CREB3L2: variants seen among roughly 807,000 people sequenced by gnomAD.
CREB3L2 encodes the protein cyclic AMP-responsive element-binding protein 3-like protein 2.
Under a neutral mutation model 57.2 loss-of-function variants are expected in CREB3L2, and 23 were observed. The ratio of observed to expected loss-of-function variants is 0.40; its 90% confidence interval spans 0.29 to 0.57. The LOEUF is 0.57. Among genes scored for constraint, CREB3L2 ranks in the 20% least tolerant of loss-of-function variants. The pLI is 0.42. For synonymous variants in CREB3L2, 268 were observed against 265.1 expected (o/e 1.01, Z -0.11); for missense variants, 628 against 634.7 (o/e 0.99, Z 0.11).
At chr7:137,892,796 A>G (rs561703076) in intron 8 of CREB3L2, among the ~76,000 whole-genome samples, 5 of 151,800 alleles carry the variant, frequency 3.3e-5, no homozygotes, top group South Asian at 2.1e-4. Context: ...TTCTGAGGTG[A>G]GAAGGGGGTG....
At position 137,908,428 on chromosome 7, in the gene CREB3L2, C is replaced by T. The variant is rs2117209202; in HGVS notation, c.592G>A (p.Asp198Asn). The T allele has an allele frequency of 7.9e-7, 1 of 1,264,084 alleles. No homozygotes were observed. Among genetic ancestry groups the T allele is most frequent in the East Asian group, 3.1e-5 (1 of 31,788 alleles). 78.3% of individuals were successfully genotyped at this position (1,264,084 alleles called of 1,614,324 possible). ...GGGGTGGGCGGCAAATGCAGGTGGT[C>T]CACTGGGGCTGCAAAAAAGGAAGCA... ...LNFSPKEAPVDHLHLPPTPPS... is the reference protein window; with the variant it reads ...LNFSPKEAPVNHLHLPPTPPS... Residue 198 changes from aspartate (D) to asparagine (N), a missense_variant, in exon 5 of 12, where the codon GAC (aspartate) becomes AAC (asparagine). Coordinates refer to ENST00000330387, the MANE Select transcript of CREB3L2 (RefSeq NM_194071.4).
At chr7:137,909,492 G>A (rs1312947919) in intron 4 of CREB3L2, among the ~76,000 whole-genome samples, 1 of 152,200 alleles carries the variant, frequency 6.6e-6, no homozygotes, top group African/African-American at 2.4e-5. Context: ...CTGCTACTGA[G>A]CCAAGGGAGA....
chr7:137,882,430 A>G lies in CREB3L2; in HGVS notation c.1469T>C (p.Leu490Ser), dbSNP rs1236871447. 1 of 1,613,154 alleles carries G rather than the reference A, an allele frequency of 6.2e-7. No homozygotes were observed. Among genetic ancestry groups the G allele is most frequent in the African/African-American group, 1.3e-5 (1 of 74,916 alleles). The change falls in exon 11 of 12, where the codon TTG (leucine) becomes TCG (serine). Residue 490 changes from leucine (L) to serine (S), a missense_variant. By Grantham distance (145) the Leu-to-Ser change is moderately radical. Coordinates refer to ENST00000330387, the MANE Select transcript of CREB3L2 (RefSeq NM_194071.4). ...GACTCACAGGTGCTGCTGCAGCTCC[A>G]AAAGCACTGACTTCTCCAGGCTGGT... ...NETSLEKSVL[L>S]ELQQHLVSAK...
intron 8 of CREB3L2, among the ~76,000 whole-genome samples, chr7:137,887,571 C>T (rs989156857): frequency 6.6e-6 from 1 of 151,956 alleles, no homozygotes; most frequent in African/African-American, 2.4e-5. Flanking sequence ...TAGCTGGGCA[C>T]GGTGGCGGGC....
intron 1 of CREB3L2, among the ~76,000 whole-genome samples, chr7:137,981,477 G>C (rs1801710188): frequency 6.6e-6 from 1 of 152,162 alleles, no homozygotes; most frequent in South Asian, 2.1e-4. Context: ...TAGTCATGTG[G>C]GAGAACCAGG....
At chr7:137,943,921 C>T (rs537124324) in intron 1 of CREB3L2, among the ~76,000 whole-genome samples, 2 of 152,250 alleles carry the variant, frequency 1.3e-5, no homozygotes, top group African/African-American at 4.8e-5. Context: ...GGATCCATAA[C>T]GTTGATTTAG....
intron 1 of CREB3L2, among the ~76,000 whole-genome samples, chr7:137,990,530 A>G (rs1468425811): frequency 1.3e-5 from 2 of 152,212 alleles, no homozygotes; most frequent in Admixed American, 1.3e-4. Context: ...ACATGCTTAG[A>G]CAAGCAGCTT....
At chr7:137,890,185 T>C (rs181385225) in intron 8 of CREB3L2, among the ~76,000 whole-genome samples, 11 of 152,274 alleles carry the variant, frequency 7.2e-5, no homozygotes, top group Middle Eastern at 3.4e-3. Context: ...GGCAAGGAGA[T>C]GCATACTAAC....
intron 1 of CREB3L2, among the ~76,000 whole-genome samples, chr7:137,929,494 C>T (rs1305376697): frequency 6.6e-6 from 1 of 151,874 alleles, no homozygotes; most frequent in Non-Finnish European, 1.5e-5. Flanking sequence ...CAGACACTGC[C>T]CAAATGTCTG....
At chr7:137,897,764 G>A (rs1255579758) in intron 8 of CREB3L2, among the ~76,000 whole-genome samples, 1 of 152,120 alleles carries the variant, frequency 6.6e-6, no homozygotes, top group East Asian at 1.9e-4. Flanking sequence ...AAAGAAGTAT[G>A]TACAATATAA....
intron 1 of CREB3L2, among the ~76,000 whole-genome samples, chr7:137,960,024 G>A (rs1268597619): frequency 6.6e-6 from 1 of 152,104 alleles, no homozygotes; most frequent in Admixed American, 6.5e-5. Context: ...AAAAACAGAA[G>A]CAGCAGTAGC....
chr7:137,886,972 C>T (rs1243490201), intron 8 of CREB3L2, among the ~76,000 whole-genome samples: 2 of 152,116 alleles, frequency 1.3e-5, no homozygotes, highest in Non-Finnish European at 2.9e-5. Context: ...AGTTGAAGCT[C>T]CTCCTCATCC....
In CREB3L2 at chr7:137,881,761, A is replaced by C. The variant is rs189478007; in HGVS notation, c.1487+651T>G. On this transcript the variant is annotated intron_variant, in intron 11 of 11. Coordinates refer to ENST00000330387, the MANE Select transcript of CREB3L2 (RefSeq NM_194071.4). ...GCCCAGGGACCTCCCCTATTACAAC[A>C]ACAATACCTTGCAGTCGCATAAGCC... Among the ~76,000 whole-genome samples the C allele has an allele frequency of 1.1e-3, 174 of 152,246 alleles. 1 individual carries two copies. Among genetic ancestry groups the C allele is most frequent in the Admixed American group, 0.01 (154 of 15,298 alleles).
chr7:137,932,435 T>C (rs577421908), intron 1 of CREB3L2, among the ~76,000 whole-genome samples: 1 of 152,258 alleles, frequency 6.6e-6, no homozygotes, highest in East Asian at 1.9e-4. Flanking sequence ...GACGTCTATA[T>C]TAAAACTACC....
chr7:137,924,492 A>G (rs749294604), intron 2 of CREB3L2, among the ~76,000 whole-genome samples: 5 of 152,240 alleles, frequency 3.3e-5, no homozygotes. Context: ...AGTAACTCAT[A>G]AAGACAACCT....
At chr7:137,952,304 T>A (rs1353726891) in intron 1 of CREB3L2, among the ~76,000 whole-genome samples, 1 of 152,214 alleles carries the variant, frequency 6.6e-6, no homozygotes, top group East Asian at 1.9e-4. Context: ...ATTTATCATC[T>A]GACTTTGAAG....
chr7:137,939,024 A>G (rs2117255573), intron 1 of CREB3L2, among the ~76,000 whole-genome samples: 1 of 152,342 alleles, frequency 6.6e-6, no homozygotes, highest in Non-Finnish European at 1.5e-5. Context: ...TGGCTTATTT[A>G]CACATATAGC....
intron 11 of CREB3L2, among the ~76,000 whole-genome samples, chr7:137,881,703 C>T (rs1033788939): frequency 2.6e-5 from 4 of 152,160 alleles, no homozygotes; most frequent in African/African-American, 9.7e-5. Flanking sequence ...AAATCACCAA[C>T]CATGTCACAC....
intron 2 of CREB3L2, among the ~76,000 whole-genome samples, chr7:137,925,265 T>C (rs1394432717): frequency 1.3e-5 from 2 of 152,160 alleles, no homozygotes; most frequent in Non-Finnish European, 2.9e-5. Context: ...GAGTTTCCAC[T>C]TAACTGTGTG....
Sources: allele counts gnomAD v4.1 joint callset (sites outside exome capture counted in the v4.1 genomes callset), GRCh38; gene constraint gnomAD v4.1.1; transcripts MANE v1.5; gene names NCBI Gene and HGNC (gene_info 2026-07-23, HGNC 2026-07-21).